ACO1: variants seen among roughly 807,000 people sequenced by gnomAD.
The protein encoded by ACO1 is cytoplasmic aconitate hydratase.
ACO1 carries 78 observed loss-of-function variants against 105.1 expected under a neutral mutation model. The observed-to-expected ratio is 0.74, with a 90% CI of 0.62 to 0.90. The LOEUF is 0.90. ACO1 is among the 40% of genes least tolerant of loss of function. The pLI, the probability that ACO1 is intolerant of heterozygous loss-of-function variation, is 0.00. For synonymous variants in ACO1, 364 were observed against 397.4 expected, an observed-to-expected ratio of 0.92 and a Z score of 1.00; for missense variants, 965 against 1,111.1, an observed-to-expected ratio of 0.87 and a Z score of 1.87.
At chr9:32,424,425 G>A (rs1587539273) in intron 9 of ACO1, 124 bp from the exon 10 acceptor site, 1 of 665,326 alleles carries the variant, frequency 1.5e-6, no homozygotes, top group East Asian at 2.7e-5. Context: ...TCCTTGTTTT[G>A]GAATGTGGTA....
chr9:32,418,974 T>G, intron 6 of ACO1, 64 bp from the exon 7 acceptor site: 1 of 1,466,052 alleles, frequency 6.8e-7, no homozygotes, highest in Non-Finnish European at 9.1e-7. Context: ...GTCACTAAAT[T>G]TATACCTGAG....
At position 32,384,697 on chromosome 9, in the gene ACO1, A is replaced by G. The variant is rs1318292512; in HGVS notation, c.-61A>G. 2 of 414,576 alleles carry G rather than the reference A, an allele frequency of 4.8e-6. No individual in the cohort carries two copies. The highest frequency in any genetic ancestry group is 3.3e-5 in the South Asian group (2 of 60,278). The allele number at this position is 414,576 out of a possible 1,614,324, so 25.7% of individuals were successfully genotyped here. On this transcript the variant is annotated 5_prime_UTR_variant, in exon 1 of 21. Transcript: ENST00000309951. ...GGGAACGCGTCCCGCTGCTTGGGTC[A>G]GGTTCGCCGGTCGCGGGAGCCCCGC...
intron 1 of ACO1, among the ~76,000 whole-genome samples, chr9:32,393,140 C>T (rs973787541): frequency 6.6e-6 from 1 of 152,156 alleles, no homozygotes; most frequent in African/African-American, 2.4e-5. Context: ...GAGAGATAAC[C>T]TTAAACTCTG....
At chr9:32,435,850 G>C (rs986820204) in intron 17 of ACO1, among the ~76,000 whole-genome samples, 1 of 152,068 alleles carries the variant, frequency 6.6e-6, no homozygotes, top group Non-Finnish European at 1.5e-5. Context: ...CCTGTTTGTG[G>C]CTCCATCTGA....
At chr9:32,415,122 G>C (rs1412352565) in intron 4 of ACO1, among the ~76,000 whole-genome samples, 8 of 152,196 alleles carry the variant, frequency 5.3e-5, no homozygotes, top group Admixed American at 5.2e-4. Flanking sequence ...GAGCATGCTG[G>C]CTACAGTGTA....
At chr9:32,402,568 C>T (rs955944768) in intron 1 of ACO1, among the ~76,000 whole-genome samples, 7 of 152,050 alleles carry the variant, frequency 4.6e-5, no homozygotes, top group Non-Finnish European at 8.8e-5. Context: ...AGATGAAACC[C>T]CAGATCTTGG....
In ACO1 at chr9:32,427,594, C is replaced by G. The variant is rs72561746; in HGVS notation, c.1484+158C>G. 0.17 allele frequency among the ~76,000 whole-genome samples: 26,113 copies of G among 152,164 alleles called. 2,725 individuals carry two copies. Among genetic ancestry groups the G allele is most frequent in the South Asian group, 0.3 (1,468 of 4,818 alleles). Reference sequence around the variant, plus strand: ...TTAGACTTAAACCCTTACATTCCATCTAAAGAGAGCCCTCTTGCCCTCTAG... The same window carrying G: ...TTAGACTTAAACCCTTACATTCCATGTAAAGAGAGCCCTCTTGCCCTCTAG... On this transcript the variant is annotated intron_variant, in intron 12 of 20. Transcript: ENST00000309951.
At chr9:32,442,172 T>C (rs1016855497) in intron 19 of ACO1, among the ~76,000 whole-genome samples, 3 of 152,064 alleles carry the variant, frequency 2.0e-5, no homozygotes, top group Non-Finnish European at 2.9e-5. Flanking sequence ...GGCCTGGACA[T>C]TGGGATTTTA....
intron 9 of ACO1, among the ~76,000 whole-genome samples, 194 bp from the exon 10 acceptor site, chr9:32,424,355 G>C (rs3814521): frequency 0.67 from 101,278 of 151,974 alleles, 34,063 homozygotes; most frequent in Middle Eastern, 0.78. Context: ...AAGTGCCCAT[G>C]ATGATCTTGG....
chr9:32,414,762 T>A lies in ACO1; in HGVS notation c.405-3366T>A, dbSNP rs976957443. 1.2e-4 allele frequency among the ~76,000 whole-genome samples: 19 copies of A among 152,114 alleles called. 1 individual carries two copies. The highest frequency in any genetic ancestry group is 2.4e-4 in the Non-Finnish European group (16 of 68,008). On this transcript the variant is annotated intron_variant, in intron 4 of 20. Transcript: ENST00000309951. ...GGGGAGGAGAGGCAGGGGCCACATG[T>A]GGTTATAATCTTACCTGTAGTGGTA...
At chr9:32,418,864 A>G (rs1171334055) in intron 6 of ACO1, among the ~76,000 whole-genome samples, 174 bp from the exon 7 acceptor site, 3 of 152,268 alleles carry the variant, frequency 2.0e-5, no homozygotes, top group African/African-American at 4.8e-5. Context: ...ACATTTGTTA[A>G]AAAATTCTAT....
Position 32,441,439 on chromosome 9 carries a change from TA to T in ACO1, c.2370+859del, listed in dbSNP as rs538094847. Among the ~76,000 whole-genome samples, 12 of 152,242 alleles carry T rather than the reference TA, an allele frequency of 7.9e-5. No individual in the cohort carries two copies. In the South Asian group the frequency reaches 2.3e-3, roughly 29 times the overall value. The stretch of plus-strand genomic sequence containing the variant: ...ACTAAGTTCATATCCACAAGTACAG[TA>T]AAAAAATGTGGCTGTCTGGCAGGCA... On this transcript the variant is annotated intron_variant, in intron 19 of 20. Transcript: ENST00000309951.
intron 3 of ACO1, 117 bp downstream of exon 3, chr9:32,407,546 A>T (rs1176667049): frequency 2.2e-6 from 2 of 925,628 alleles, no homozygotes; most frequent in Non-Finnish European, 3.1e-6. Flanking sequence ...ATTTATGACT[A>T]TATAATATTA....
intron 6 of ACO1, 138 bp from the exon 7 acceptor site, chr9:32,418,900 G>A: frequency 9.5e-7 from 1 of 1,050,660 alleles, no homozygotes; most frequent in Non-Finnish European, 1.3e-6. Flanking sequence ...AAAAATAACT[G>A]CTCTTTATAG....
At chr9:32,402,328 C>T (rs1265840820) in intron 1 of ACO1, among the ~76,000 whole-genome samples, 1 of 152,148 alleles carries the variant, frequency 6.6e-6, no homozygotes, top group East Asian at 1.9e-4. Context: ...AAGAAAAACA[C>T]CATATATATT....
At position 32,435,135 on chromosome 9, in the gene ACO1, G is replaced by A. The variant is rs79946161; in HGVS notation, c.2099+434G>A. Among the ~76,000 whole-genome samples the A allele has an allele frequency of 2.8e-3, 431 of 152,280 alleles. 3 individuals are homozygous for A. The highest frequency in any genetic ancestry group is 9.7e-3 in the African/African-American group (402 of 41,564). On this transcript the variant is annotated intron_variant, in intron 17 of 20. Transcript: ENST00000309951. Reference sequence around the variant, plus strand: ...TCATCTGTTTATCAGTTCTTCAGTAGTGTGCTGATATTCATAGGTATGCCA... The same window carrying A: ...TCATCTGTTTATCAGTTCTTCAGTAATGTGCTGATATTCATAGGTATGCCA...
intron 1 of ACO1, among the ~76,000 whole-genome samples, chr9:32,400,393 G>GC (rs968632055): frequency 6.6e-6 from 1 of 151,988 alleles, no homozygotes; most frequent in African/African-American, 2.4e-5. Context: ...GGAAGGGAGG[G>GC]CCCCCCTTGG....
intron 17 of ACO1, among the ~76,000 whole-genome samples, chr9:32,435,766 T>C (rs557367914): frequency 6.6e-6 from 1 of 152,346 alleles, no homozygotes; most frequent in South Asian, 2.1e-4. Flanking sequence ...TTCCTTTGCA[T>C]TGAGTTCCTG....
intron 9 of ACO1, among the ~76,000 whole-genome samples, chr9:32,423,966 T>C (rs1255351107): frequency 2.0e-5 from 3 of 152,156 alleles, no homozygotes; most frequent in Non-Finnish European, 4.4e-5. Flanking sequence ...GGCTAAACCA[T>C]CATTATTACA....
Sources: gnomAD v4.1 joint callset for allele counts (sites outside exome capture counted in the v4.1 genomes callset) on GRCh38, gnomAD v4.1.1 for gene constraint, MANE v1.5 for transcripts, NCBI Gene and HGNC (gene_info 2026-07-23, HGNC 2026-07-21) for gene names.